LIN9: variants seen among roughly 807,000 people sequenced by gnomAD.
LIN9 encodes the protein lin-9 DREAM MuvB core complex component, also known as protein lin-9 homolog.
In LIN9, 18 loss-of-function variants were observed where a neutral mutation model predicts 78.0. The observed-to-expected ratio is 0.23, with a 90% CI of 0.16 to 0.34. The LOEUF (loss-of-function observed/expected upper bound fraction) is 0.34, where lower values mean the gene tolerates loss of function less well. Ranked by LOEUF, LIN9 falls within the 10% of genes least tolerant of loss-of-function variation. The probability of loss-of-function intolerance (pLI) is 1.00; values close to 1 mark genes in which losing one functional copy is unlikely to be tolerated. For missense variants in LIN9, 451 were observed against 644.1 expected (o/e 0.70, Z 3.25); for synonymous variants, 192 against 215.2 (o/e 0.89, Z 0.94).
In LIN9 at chr1:226,238,965, A is replaced by C; in HGVS notation, c.1245+6T>G. ...ATATGGAGGGAAATCTATACATATC[A>C]CTTACCTCATAGCAATACTGTTGAA... On this transcript the variant is annotated splice_donor_region_variant and intron_variant, in intron 12 of 14. Transcript: ENST00000681046. 6.2e-7 allele frequency: 1 copy of C among 1,610,564 alleles called. No individual in the cohort carries two copies. The highest frequency in any genetic ancestry group is 8.5e-7 in the Non-Finnish European group (1 of 1,178,576).
chr1:226,232,661 A>G, intron 14 of LIN9, 55 bp from the exon 15 acceptor site: 1 of 1,176,726 alleles, frequency 8.5e-7, no homozygotes, highest in East Asian at 2.5e-5. Flanking sequence ...TAAGAAAAAA[A>G]TTTTTAAAAG....
chr1:226,302,979 C>T (rs1662659670), intron 1 of LIN9, among the ~76,000 whole-genome samples: 1 of 110,880 alleles, frequency 9.0e-6, no homozygotes, highest in African/African-American at 2.9e-5. Context: ...TTTCACTCTA[C>T]TCTCTTGCCC....
intron 12 of LIN9, 82 bp downstream of exon 12, chr1:226,238,889 G>T (rs1576274451): frequency 4.4e-5 from 61 of 1,374,132 alleles, no homozygotes; most frequent in East Asian, 3.3e-4. Flanking sequence ...ATATTGGCTT[G>T]GTATGGATTT....
At chr1:226,278,710 G>A (rs1660826397) in intron 6 of LIN9, among the ~76,000 whole-genome samples, 1 of 151,736 alleles carries the variant, frequency 6.6e-6, no homozygotes, top group Non-Finnish European at 1.5e-5. Flanking sequence ...TATAATCCCA[G>A]CTACTCAGGA....
rs761143720 is a variant in LIN9, at chr1:226,266,251, G to A, written c.898C>T (p.Arg300Trp). ...TGGAGAGGAGGAGTATAATGTAACCGTGGTGGGGTCATAAAAAATCGAGAA... is the reference window on the plus strand; with the variant it reads ...TGGAGAGGAGGAGTATAATGTAACCATGGTGGGGTCATAAAAAATCGAGAA... The part of the protein sequence containing the change: ...RPSRFFMTPP[R>W]LHYTPPLQSP... The change falls in exon 9 of 15, where the codon CGG becomes TGG. Residue 300 changes from arginine (R) to tryptophan (W), a missense_variant. Physicochemically the swap from Arg to Trp is moderately radical, Grantham distance 101 (BLOSUM62 -3). Transcript: ENST00000681046. 59 of 1,599,540 alleles carry A rather than the reference G, an allele frequency of 3.7e-5. No homozygotes were observed. Among genetic ancestry groups the A allele is most frequent in the African/African-American group, 5.4e-5 (4 of 74,508 alleles).
Position 226,265,646 on chromosome 1 carries a change from A to C in LIN9, c.937-12T>G. On this transcript the variant is annotated splice_polypyrimidine_tract_variant and intron_variant, in intron 9 of 14. Transcript: ENST00000681046. The surrounding 1 kb of genome is among the most constrained non-coding windows in gnomAD (Gnocchi z 4.1). ...AAAGGATCATTATCCTATGGGAATA[A>C]AAAGGAATTATTTAATCATTGACTA... 2 of 1,381,416 alleles carry C rather than the reference A, an allele frequency of 1.4e-6. No individual in the cohort carries two copies. The highest frequency in any genetic ancestry group is 2.1e-6 in the Non-Finnish European group (2 of 975,048). 85.6% of individuals were successfully genotyped at this position (1,381,416 alleles called of 1,614,324 possible). A position where few individuals can be genotyped will look rare whatever the true frequency, so the allele number is the denominator to read the frequency against.
At chr1:226,282,549 G>A (rs1251978011) in intron 6 of LIN9, among the ~76,000 whole-genome samples, 6 of 152,244 alleles carry the variant, frequency 3.9e-5, no homozygotes, top group African/African-American at 1.2e-4. Flanking sequence ...GGCCGGGCGC[G>A]GTGGCTCACG....
In LIN9 at chr1:226,301,159, G is replaced by T; in HGVS notation, c.64+14C>A. The stretch of plus-strand genomic sequence containing the variant: ...TTTTAGCTATGGTATACCTAAAAAT[G>T]CTATACTTCTTACCTTTTAAACTGA... On this transcript the variant is annotated intron_variant, in intron 2 of 14. Coordinates refer to ENST00000681046, the MANE Select transcript of LIN9 (RefSeq NM_001366245.2). 1 of 1,590,744 alleles carries T rather than the reference G, an allele frequency of 6.3e-7. No homozygotes were observed. The highest frequency in any genetic ancestry group is 8.6e-7 in the Non-Finnish European group (1 of 1,169,372).
intron 8 of LIN9, among the ~76,000 whole-genome samples, chr1:226,266,748 AAC>A (rs771041372): frequency 1.1e-4 from 17 of 151,960 alleles, no homozygotes; most frequent in Non-Finnish European, 2.2e-4. Context: ...ATCTCATAAA[AAC>A]AGTTAAATTA....
intron 7 of LIN9, among the ~76,000 whole-genome samples, chr1:226,275,772 C>T (rs1182245961): frequency 6.6e-6 from 1 of 150,926 alleles, no homozygotes; most frequent in Non-Finnish European, 1.5e-5. Flanking sequence ...AATCCCAACA[C>T]TTTGGGAGGC....
chr1:226,240,276 G>C (rs1274958793), intron 11 of LIN9, among the ~76,000 whole-genome samples: 1 of 152,104 alleles, frequency 6.6e-6, no homozygotes, highest in East Asian at 1.9e-4. Context: ...ATGGCGTCTT[G>C]CTATGTTGCC....
At chr1:226,275,720 A>AG (rs1558185648) in intron 7 of LIN9, among the ~76,000 whole-genome samples, 1 of 144,588 alleles carries the variant, frequency 6.9e-6, no homozygotes, top group Non-Finnish European at 1.5e-5. Context: ...AAAGAAAAAA[A>AG]GAAAAAATAG....
intron 4 of LIN9, among the ~76,000 whole-genome samples, chr1:226,290,453 G>C (rs976903967): frequency 2.0e-5 from 3 of 151,080 alleles, no homozygotes; most frequent in African/African-American, 7.3e-5. Flanking sequence ...CCATTCTCCT[G>C]TCTCAGCCTC....
At chr1:226,280,910 T>C (rs1316786479) in intron 6 of LIN9, among the ~76,000 whole-genome samples, 1 of 152,118 alleles carries the variant, frequency 6.6e-6, no homozygotes, top group South Asian at 2.1e-4. Context: ...AGCAATCCCA[T>C]GGTTAGGTGT....
At chr1:226,244,114 G>A (rs967502132) in intron 11 of LIN9, among the ~76,000 whole-genome samples, 2 of 151,162 alleles carry the variant, frequency 1.3e-5, no homozygotes, top group African/African-American at 4.8e-5. Flanking sequence ...GACCTCAAGT[G>A]ATCCACCCAC....
chr1:226,283,416 A>C (rs1661196794), intron 6 of LIN9, among the ~76,000 whole-genome samples: 1 of 147,258 alleles, frequency 6.8e-6, no homozygotes, highest in African/African-American at 2.5e-5. Flanking sequence ...GTGAGCCACC[A>C]CACCCAGCCT....
chr1:226,287,754 T>C lies in LIN9; in HGVS notation c.308A>G (p.Gln103Arg). The C allele has an allele frequency of 1.9e-6, 3 of 1,553,096 alleles. No homozygotes were observed. The highest frequency in any genetic ancestry group is 2.6e-6 in the Non-Finnish European group (3 of 1,160,864). The stretch of plus-strand genomic sequence containing the variant: ...ATTACGTAATCGAAAACCAATCTTC[T>C]GTGAAGCTTTCTTATCTGGTGTTGA... The part of the protein sequence containing the change: ...TMSTPDKKAS[Q>R]KIGFRLRNLL... The change falls in exon 5 of 15, where the codon CAG (glutamine) becomes CGG (arginine). Residue 103 changes from glutamine (Q) to arginine (R), a missense_variant. Transcript: ENST00000681046.
In LIN9 at chr1:226,301,442, A is replaced by C. The variant is rs548213180; in HGVS notation, c.32-237T>G. ...CTTGCTGAAGTTGTGAGAACTGGAGACCATTCCAGGAGAAGAAAGTGAAGA... is the reference window on the plus strand; with the variant it reads ...CTTGCTGAAGTTGTGAGAACTGGAGCCCATTCCAGGAGAAGAAAGTGAAGA... On this transcript the variant is annotated intron_variant, in intron 1 of 14. Transcript: ENST00000681046. Among the ~76,000 whole-genome samples, 12 of 152,320 alleles carry C rather than the reference A, an allele frequency of 7.9e-5. No individual in the cohort carries two copies. The South Asian group carries it at 2.5e-3, about 32-fold the overall frequency.
chr1:226,234,350 G>A (rs1201377489), intron 12 of LIN9, among the ~76,000 whole-genome samples: 1 of 152,018 alleles, frequency 6.6e-6, no homozygotes, highest in East Asian at 1.9e-4. Flanking sequence ...TTTATTAGTT[G>A]GCATTTTACT....
Sources: allele counts gnomAD v4.1 joint callset (sites outside exome capture counted in the v4.1 genomes callset), GRCh38; gene constraint gnomAD v4.1.1; non-coding constraint Gnocchi (gnomAD v3.1); transcripts MANE v1.5; gene names NCBI Gene and HGNC (gene_info 2026-07-23, HGNC 2026-07-21).